Variants in ATP8B1 observed in about 807,000 individuals in gnomAD.
The protein encoded by ATP8B1 is ATPase phospholipid transporting 8B1.
In ATP8B1, 80 loss-of-function variants were observed where a neutral mutation model predicts 149.9. The ratio of observed to expected loss-of-function variants is 0.53; its 90% CI spans 0.45 to 0.64. ATP8B1 has a LOEUF of 0.64. Ranked by LOEUF, ATP8B1 falls within the 30% of genes least tolerant of loss-of-function variation. ATP8B1 has a pLI of 0.00. For synonymous variants in ATP8B1, 536 were observed against 562.8 expected, an observed-to-expected ratio of 0.95 and a Z score of 0.67; for missense variants, 1,247 against 1,552.6, an observed-to-expected ratio of 0.80 and a Z score of 3.31.
intron 18 of ATP8B1, chr18:57,668,823 G>A (rs1911057053): frequency 1.0e-5 from 4 of 382,484 alleles, no homozygotes; most frequent in Non-Finnish European, 1.4e-5. Context: ...CTTTTCTTGT[G>A]TATTTGTGGC....
chr18:57,660,858 C>T (rs183911065), intron 22 of ATP8B1, among the ~76,000 whole-genome samples: 1 of 152,056 alleles, frequency 6.6e-6, no homozygotes, highest in Admixed American at 6.5e-5. Context: ...GGGAAGAGAA[C>T]CAGTAAGAGA....
At chr18:57,661,997 C>T (rs945167485) in intron 21 of ATP8B1, among the ~76,000 whole-genome samples, 3 of 152,234 alleles carry the variant, frequency 2.0e-5, no homozygotes, top group African/African-American at 2.4e-5. Flanking sequence ...GGAGCACAGG[C>T]GTGAGCCACT....
At chr18:57,759,651 T>C (rs1296823285) in intron 1 of ATP8B1, among the ~76,000 whole-genome samples, 1 of 143,962 alleles carries the variant, frequency 6.9e-6, no homozygotes, top group East Asian at 2.0e-4. Flanking sequence ...CTACTAAAAA[T>C]AAAAAAAAAA....
chr18:57,765,057 A>C (rs541592005), intron 1 of ATP8B1, among the ~76,000 whole-genome samples: 1 of 152,380 alleles, frequency 6.6e-6, no homozygotes, highest in East Asian at 1.9e-4. Flanking sequence ...CTATCTGATA[A>C]CTGGATACAC....
At chr18:57,661,152 T>C (rs755157556) in intron 22 of ATP8B1, 22 bp downstream of exon 22, 1 of 1,612,000 alleles carries the variant, frequency 6.2e-7, no homozygotes, top group African/African-American at 1.3e-5. Flanking sequence ...TGGGCCTCAC[T>C]GGCCGTGGGT....
intron 1 of ATP8B1, among the ~76,000 whole-genome samples, chr18:57,761,064 CATAAA>C (rs1259983746): frequency 1.5e-5 from 2 of 133,144 alleles, no homozygotes; most frequent in African/African-American, 2.9e-5. Context: ...CATAAAATAA[CATAAA>C]ATAAAATAAA....
chr18:57,692,984 A>G (rs1044401507), intron 11 of ATP8B1, among the ~76,000 whole-genome samples: 13 of 152,348 alleles, frequency 8.5e-5, no homozygotes, highest in Non-Finnish European at 5.9e-5. Context: ...CATGGAGTCC[A>G]AAAGTGCTAT....
intron 19 of ATP8B1, 157 bp downstream of exon 19, chr18:57,668,272 G>C (rs79615268): frequency 1.5e-6 from 2 of 1,330,414 alleles, no homozygotes; most frequent in Non-Finnish European, 2.1e-6. Context: ...GAATGTGCTG[G>C]AAAAACAGAG....
At chr18:57,779,897 C>CAA (rs35023925) in intron 1 of ATP8B1, among the ~76,000 whole-genome samples, 186 of 107,710 alleles carry the variant, frequency 1.7e-3, no homozygotes, top group Middle Eastern at 4.7e-3. Flanking sequence ...AACTCCGTCT[C>CAA]AAAAAAAAAA....
chr18:57,744,413 T>A (rs2079946266), intron 1 of ATP8B1, among the ~76,000 whole-genome samples: 1 of 151,642 alleles, frequency 6.6e-6, no homozygotes, highest in Admixed American at 6.6e-5. Flanking sequence ...TTCTTTTGTC[T>A]AGAAAATGAA....
intron 1 of ATP8B1, chr18:57,735,263 GC>G (rs1053527302): frequency 4.3e-5 from 7 of 162,532 alleles, no homozygotes; most frequent in African/African-American, 9.6e-5. Context: ...CCAGCAGGGC[GC>G]CCGCTGTGCT....
chr18:57,762,611 A>G (rs1289455003), intron 1 of ATP8B1, among the ~76,000 whole-genome samples: 1 of 152,210 alleles, frequency 6.6e-6, no homozygotes, highest in African/African-American at 2.4e-5. Context: ...ACACACAGTA[A>G]AGGCAGAAGA....
intron 22 of ATP8B1, among the ~76,000 whole-genome samples, chr18:57,658,793 G>A (rs1200045260): frequency 6.6e-6 from 1 of 152,024 alleles, no homozygotes; most frequent in Non-Finnish European, 1.5e-5. Context: ...AGCCTCCCAC[G>A]TAGCTGGGAC....
At chr18:57,764,717 C>T (rs992123173) in intron 1 of ATP8B1, among the ~76,000 whole-genome samples, 10 of 147,948 alleles carry the variant, frequency 6.8e-5, no homozygotes, top group Non-Finnish European at 3.0e-5. Flanking sequence ...CTGTGCCCAG[C>T]CTGACACTAT....
In ATP8B1 at chr18:57,778,628, G is replaced by T. The variant is rs8086355; in HGVS notation, c.-26+24370C>A. Among the ~76,000 whole-genome samples the T allele has an allele frequency of 6.2e-3, 945 of 152,314 alleles. 9 individuals are homozygous for T. The highest frequency in any genetic ancestry group is 0.021 in the African/African-American group (890 of 41,568). On this transcript the variant is annotated intron_variant, in intron 1 of 27. Coordinates refer to ENST00000648908, the MANE Select transcript of ATP8B1 (RefSeq NM_001374385.1). ...TGAGCCAGAGCTGCAGTCACCTAAA[G>T]GTCGGCCTGGGGATGATCCACCTCC... is the stretch of plus-strand genomic sequence containing the variant.
intron 2 of ATP8B1, among the ~76,000 whole-genome samples, chr18:57,719,562 A>T (rs934270909): frequency 3.3e-5 from 5 of 152,196 alleles, no homozygotes; most frequent in African/African-American, 1.2e-4. Context: ...CGGCTTGAAA[A>T]ACGGCGCACC....
intron 14 of ATP8B1, 90 bp downstream of exon 14, chr18:57,684,982 G>T: frequency 6.6e-7 from 1 of 1,506,960 alleles, no homozygotes; most frequent in South Asian, 1.1e-5. Context: ...CAACGAAAGA[G>T]TCTTCCCTAG....
intron 1 of ATP8B1, among the ~76,000 whole-genome samples, chr18:57,756,295 G>GTATATATA (rs2080081106): frequency 9.1e-6 from 1 of 109,466 alleles, no homozygotes; most frequent in Non-Finnish European, 1.8e-5. Context: ...ATATGTGTGT[G>GTATATATA]TGTATGTATA....
At chr18:57,738,362 G>T (rs1259091130) in intron 1 of ATP8B1, among the ~76,000 whole-genome samples, 3 of 152,194 alleles carry the variant, frequency 2.0e-5, no homozygotes, top group Admixed American at 6.5e-5. Flanking sequence ...GGTGGCTCAC[G>T]CCTGTAATCC....
Sources: allele counts gnomAD v4.1 joint callset (sites outside exome capture counted in the v4.1 genomes callset), GRCh38; gene constraint gnomAD v4.1.1; transcripts MANE v1.5; gene names NCBI Gene and HGNC (gene_info 2026-07-23, HGNC 2026-07-21).